The following CFH variants were observed in gnomAD, a reference collection of about 807,000 sequenced individuals.
The protein encoded by CFH is H factor 1 (complement).
A neutral mutation model predicts 147.3 loss-of-function variants in CFH; 53 were observed. The ratio of observed to expected loss-of-function variants is 0.36; its 90% CI spans 0.29 to 0.45. The LOEUF is 0.45. CFH is among the 20% of genes least tolerant of loss of function. The pLI, the probability that CFH is intolerant of heterozygous loss-of-function variation, is 1.00. For synonymous variants in CFH, 536 were observed against 489.4 expected (o/e 1.10, Z -1.26); for missense variants, 1,380 against 1,498.0 (o/e 0.92, Z 1.30).
At chr1:196,713,956 A>T (rs751369721) in intron 10 of CFH, 39 bp downstream of exon 10, 1 of 1,571,976 alleles carries the variant, frequency 6.4e-7, no homozygotes, top group South Asian at 1.1e-5. Context: ...TATCCAGATG[A>T]TACACAAAAG....
At chr1:196,696,297 T>C (rs1668265504) in intron 9 of CFH, among the ~76,000 whole-genome samples, 1 of 152,042 alleles carries the variant, frequency 6.6e-6, no homozygotes, top group Admixed American at 6.6e-5. Context: ...GAAATCAGGA[T>C]TAAGAAACTC....
chr1:196,681,871 G>C (rs1168783245), intron 6 of CFH, among the ~76,000 whole-genome samples: 2 of 151,650 alleles, frequency 1.3e-5, no homozygotes, highest in Non-Finnish European at 3.0e-5. Context: ...ACAAAGCAAG[G>C]ATCTACTTGC....
At chr1:196,697,939 G>A (rs1668332024) in intron 9 of CFH, among the ~76,000 whole-genome samples, 1 of 147,602 alleles carries the variant, frequency 6.8e-6, no homozygotes, top group African/African-American at 2.5e-5. Flanking sequence ...TCACTCATAG[G>A]TGGGAATTGA....
intron 9 of CFH, among the ~76,000 whole-genome samples, chr1:196,709,510 G>A (rs1418799007): frequency 6.6e-6 from 1 of 152,008 alleles, no homozygotes; most frequent in Non-Finnish European, 1.5e-5. Flanking sequence ...CCTCAGAATT[G>A]AGAAGGGATC....
intron 9 of CFH, among the ~76,000 whole-genome samples, chr1:196,698,616 A>G (rs933069877): frequency 6.6e-6 from 1 of 152,180 alleles, no homozygotes; most frequent in Non-Finnish European, 1.5e-5. Context: ...CCAGGACCAG[A>G]TGGATTTACA....
intron 10 of CFH, 81 bp downstream of exon 10, chr1:196,713,998 A>G: frequency 8.1e-7 from 1 of 1,235,690 alleles, no homozygotes; most frequent in East Asian, 2.4e-5. Context: ...GTGGGGGCTG[A>G]TATAATTTCA....
In CFH at chr1:196,728,404, A is replaced by C. The variant is rs551215138; in HGVS notation, c.2295A>C (p.Leu765Phe). 6.2e-7 allele frequency: 1 copy of C among 1,603,826 alleles called. No individual in the cohort carries two copies. The highest frequency in any genetic ancestry group is 1.7e-5 in the Admixed American group (1 of 59,656). Residue 765 changes from leucine (L) to phenylalanine (F), a missense_variant, in exon 15 of 22, where the codon TTA becomes TTC. This residue lies in a region of CFH where 830 missense variants were observed against 821.4 expected (regional missense o/e 1.01). Transcript: ENST00000367429. ...ATTTAATTATACTTGAGGAACATTT[A>C]AAAAACAAGAAGGAATTCGATCATA... Reference protein sequence around the residue: ...SSNLIILEEHLKNKKEFDHNS... With the variant: ...SSNLIILEEHFKNKKEFDHNS...
At chr1:196,684,042 A>T (rs1375690935) in intron 6 of CFH, among the ~76,000 whole-genome samples, 2 of 151,978 alleles carry the variant, frequency 1.3e-5, no homozygotes, top group Non-Finnish European at 2.9e-5. Context: ...AATGCATAGT[A>T]TTTTATCTTA....
In CFH at chr1:196,730,547, G is replaced by GT. The variant is rs140405952; in HGVS notation, c.2413+2032dup. 8.2e-3 allele frequency among the ~76,000 whole-genome samples: 1,240 copies of GT among 151,726 alleles called. 29 individuals carry two copies. Among genetic ancestry groups the GT allele is most frequent in the African/African-American group, 0.028 (1,178 of 41,436 alleles). On this transcript the variant is annotated intron_variant, in intron 15 of 21. Transcript: ENST00000367429. The stretch of plus-strand genomic sequence containing the variant: ...CTGTGCGCATTTGAGAAGAATATGT[G>GT]TTTTTTTGTTATGTGGAATGTTCTT...
rs548245022 is a variant in CFH at position 196,733,280 on chromosome 1, G to T, written c.2414-3544G>T. 9.2e-4 allele frequency among the ~76,000 whole-genome samples: 140 copies of T among 152,182 alleles called. 1 individual carries two copies. The South Asian group carries it at 0.013, about 14-fold the overall frequency. ...TAGCCAGTGGAAGTATGTGCCCTAA[G>T]CCCTTTCGACAGAGAAATGGAAATT... On this transcript the variant is annotated intron_variant, in intron 15 of 21. Transcript: ENST00000367429.
At chr1:196,709,545 C>A (rs1336540713) in intron 9 of CFH, among the ~76,000 whole-genome samples, 2 of 152,074 alleles carry the variant, frequency 1.3e-5, no homozygotes, top group Non-Finnish European at 2.9e-5. Context: ...CTGAAACTGT[C>A]CCTAGGAAAG....
chr1:196,697,912 C>A (rs1038649015), intron 9 of CFH, among the ~76,000 whole-genome samples: 2 of 149,806 alleles, frequency 1.3e-5, no homozygotes, highest in African/African-American at 2.5e-5. Context: ...TGACAAAAAA[C>A]CAAGCATCGC....
chr1:196,704,227 T>A (rs990096348), intron 9 of CFH, among the ~76,000 whole-genome samples: 2 of 152,012 alleles, frequency 1.3e-5, no homozygotes, highest in Non-Finnish European at 2.9e-5. Context: ...CCCGAGTAGC[T>A]GGGATTACAG....
intron 18 of CFH, 22 bp downstream of exon 18, chr1:196,740,814 T>C (rs762003507): frequency 6.2e-7 from 1 of 1,603,440 alleles, no homozygotes; most frequent in East Asian, 2.2e-5. Flanking sequence ...TGAATTTTAT[T>C]ATATGTATGA....
Position 196,726,874 on chromosome 1 carries a change from AC to A in CFH, c.2171del (p.Thr724LysfsTer2). On this transcript the variant is annotated frameshift_variant, in exon 14 of 22. Transcript: ENST00000367429. LOFTEE classifies it high-confidence loss of function. ...GGAATTCAATTGCTCAGAATCATTT[AC>A]AATGATTGGACACAGATCAATTACG... ...SVEFNCSESF[T>X]MIGHRSITCI... is the part of the protein sequence containing the mutation. 6.2e-7 allele frequency: 1 copy of A among 1,613,480 alleles called. No homozygotes were observed. The highest frequency in any genetic ancestry group is 8.5e-7 in the Non-Finnish European group (1 of 1,179,468).
chr1:196,686,139 G>A (rs1667818004), intron 7 of CFH, among the ~76,000 whole-genome samples: 1 of 152,036 alleles, frequency 6.6e-6, no homozygotes, highest in African/African-American at 2.4e-5. Context: ...CAGCAAGGGG[G>A]AGATCCACCT....
Position 196,741,886 on chromosome 1 carries a change from C to G in CFH, c.2968C>G (p.Leu990Val). The change falls in exon 19 of 22, where the codon CTC (leucine) becomes GTC (valine). Residue 990 changes from leucine (L) to valine (V), a missense_variant. Physicochemically the swap from Leu to Val is conservative, Grantham distance 32 (BLOSUM62 1). Around this residue, in one of 4 missense-constraint regions of CFH, gnomAD observed 830 missense variants for 821.4 expected, o/e 1.01. Coordinates refer to ENST00000367429, the MANE Select transcript of CFH (RefSeq NM_000186.4). ...HPPSCIKTDC[L>V]SLPSFENAIP... ...TTTTCCTATTTCAGAAACAGATTGT[C>G]TCAGTTTACCTAGCTTTGAAAATGC... 5.0e-6 allele frequency: 8 copies of G among 1,613,960 alleles called. No homozygotes were observed. Among genetic ancestry groups the G allele is most frequent in the Non-Finnish European group, 6.8e-6 (8 of 1,179,920 alleles).
intron 1 of CFH, among the ~76,000 whole-genome samples, chr1:196,666,562 G>A (rs930717218): frequency 2.6e-5 from 4 of 151,722 alleles, no homozygotes; most frequent in Admixed American, 6.6e-5. Context: ...CGAGGTGGGC[G>A]GATCACTTTT....
chr1:196,693,169 A>G (rs1345499780), intron 9 of CFH, among the ~76,000 whole-genome samples: 1 of 152,026 alleles, frequency 6.6e-6, no homozygotes, highest in Admixed American at 6.6e-5. Context: ...AATTCCTCAT[A>G]ACCATGTTGT....
Sources: gnomAD v4.1 joint callset for allele counts (sites outside exome capture counted in the v4.1 genomes callset) on GRCh38, gnomAD v4.1.1 for gene constraint, gnomAD v4.1.1 regional missense constraint, MANE v1.5 for transcripts, NCBI Gene and HGNC (gene_info 2026-07-23, HGNC 2026-07-21) for gene names.